The following SPATA6 variants were observed in gnomAD, a reference collection of about 807,000 sequenced individuals.
SPATA6 encodes the protein spermatogenesis associated 6.
In SPATA6, 56 loss-of-function variants were observed where a neutral mutation model predicts 65.3. The observed-to-expected ratio is 0.86, with a 90% CI of 0.69 to 1.07. The LOEUF is 1.07. SPATA6 is among the 50% of genes least tolerant of loss of function. The pLI, the probability that SPATA6 is intolerant of heterozygous loss-of-function variation, is 0.00. For missense variants in SPATA6, 590 were observed against 594.8 expected (o/e 0.99, Z 0.08); for synonymous variants, 199 against 213.2 (o/e 0.93, Z 0.58).
At chr1:48,288,226 T>C in the SPATA6 span, among the ~76,000 whole-genome samples, 1 of 152,224 alleles carries the variant, frequency 6.6e-6, no homozygotes, top group Non-Finnish European at 1.5e-5. Context: ...GACTTCCATA[T>C]CTATGTTAAT....
At chr1:48,334,017 C>T (rs1645990404) in intron 11 of SPATA6, among the ~76,000 whole-genome samples, 1 of 152,096 alleles carries the variant, frequency 6.6e-6, no homozygotes, top group African/African-American at 2.4e-5. Flanking sequence ...TGCACACAGA[C>T]TAGAAAATCT....
intron 11 of SPATA6, among the ~76,000 whole-genome samples, chr1:48,324,426 T>C (rs1215233446): frequency 6.6e-6 from 1 of 152,122 alleles, no homozygotes; most frequent in Non-Finnish European, 1.5e-5. Flanking sequence ...CTGATGAACA[T>C]TGATATAAAA....
chr1:48,452,873 C>T (rs1656699696), intron 2 of SPATA6, 121 bp downstream of exon 2: 2 of 1,215,138 alleles, frequency 1.6e-6, no homozygotes, highest in South Asian at 1.9e-5. Flanking sequence ...TACAAATGTC[C>T]TTTTGAATTA....
intron 12 of SPATA6, among the ~76,000 whole-genome samples, chr1:48,301,038 C>A (rs1471292132): frequency 6.6e-6 from 1 of 151,862 alleles, no homozygotes; most frequent in Non-Finnish European, 1.5e-5. Context: ...GAAGTCCTAG[C>A]CAGAGCAATT....
the SPATA6 span, among the ~76,000 whole-genome samples, chr1:48,277,084 CTTCT>C: frequency 1.4e-5 from 2 of 146,132 alleles, no homozygotes; most frequent in Admixed American, 1.4e-4. Flanking sequence ...TAGCAATGGC[CTTCT>C]TTGTTTTTTG....
chr1:48,327,713 A>G (rs1465832691), intron 11 of SPATA6, among the ~76,000 whole-genome samples: 2 of 152,190 alleles, frequency 1.3e-5, no homozygotes, highest in East Asian at 1.9e-4. Context: ...CTAACTCAGA[A>G]ACATAAAATC....
At chr1:48,359,511 T>C (rs148543444) in intron 10 of SPATA6, 75 bp downstream of exon 10, 1 of 1,462,816 alleles carries the variant, frequency 6.8e-7, no homozygotes, top group African/African-American at 1.4e-5. Context: ...TCATTTCACA[T>C]GCATAATTGC....
chr1:48,447,336 T>C (rs1656151744), intron 3 of SPATA6, among the ~76,000 whole-genome samples: 1 of 152,030 alleles, frequency 6.6e-6, no homozygotes, highest in Non-Finnish European at 1.5e-5. Context: ...CTGGGCAACA[T>C]TGTGAAACCC....
At chr1:48,387,268 G>A (rs934900770) in intron 8 of SPATA6, among the ~76,000 whole-genome samples, 4 of 152,164 alleles carry the variant, frequency 2.6e-5, no homozygotes, top group African/African-American at 9.7e-5. Flanking sequence ...GGGAATTCAA[G>A]ATGAGATTTG....
chr1:48,458,029 A>C (rs1392980297), intron 1 of SPATA6, among the ~76,000 whole-genome samples: 2 of 151,638 alleles, frequency 1.3e-5, no homozygotes, highest in Admixed American at 1.3e-4. Context: ...TGTAATAGTG[A>C]AAATAAGTTA....
At chr1:48,415,892 T>C (rs1652731314) in intron 3 of SPATA6, among the ~76,000 whole-genome samples, 1 of 152,128 alleles carries the variant, frequency 6.6e-6, no homozygotes, top group Non-Finnish European at 1.5e-5. Flanking sequence ...TTCAAACTTC[T>C]GAAAATCAAA....
intron 11 of SPATA6, chr1:48,325,538 C>T (rs1012227056): frequency 7.6e-6 from 9 of 1,187,264 alleles, no homozygotes; most frequent in Non-Finnish European, 1.1e-5. Context: ...GGGAGTTCTT[C>T]CTCTTCCTCT....
chr1:48,309,714 G>A (rs1223073797), intron 11 of SPATA6, among the ~76,000 whole-genome samples: 1 of 152,056 alleles, frequency 6.6e-6, no homozygotes, highest in Non-Finnish European at 1.5e-5. Context: ...CTAGTTATTA[G>A]CATAGTGATT....
chr1:48,311,561 C>CA (rs2148667260), intron 11 of SPATA6, among the ~76,000 whole-genome samples: 1 of 152,006 alleles, frequency 6.6e-6, no homozygotes, highest in East Asian at 1.9e-4. Flanking sequence ...AATTAGTAAT[C>CA]AAAAAAACTT....
At chr1:48,279,118 G>A in the SPATA6 span, among the ~76,000 whole-genome samples, 1 of 152,116 alleles carries the variant, frequency 6.6e-6, no homozygotes, top group Non-Finnish European at 1.5e-5. Flanking sequence ...ATCCTTTACA[G>A]ACAAGCAAAT....
At chr1:48,466,571 A>G (rs1001923123) in intron 1 of SPATA6, among the ~76,000 whole-genome samples, 2 of 152,092 alleles carry the variant, frequency 1.3e-5, no homozygotes, top group African/African-American at 4.8e-5. Flanking sequence ...TACATGCAAC[A>G]TTATATTTCT....
chr1:48,285,648 T>C, the SPATA6 span, among the ~76,000 whole-genome samples: 1 of 152,100 alleles, frequency 6.6e-6, no homozygotes, highest in African/African-American at 2.4e-5. Context: ...AAATGCACCG[T>C]TCCTCATGGC....
chr1:48,272,259 T>C, the SPATA6 span, among the ~76,000 whole-genome samples: 2 of 152,180 alleles, frequency 1.3e-5, no homozygotes, highest in African/African-American at 4.8e-5. Context: ...TTATTAACTA[T>C]CATCACCATG....
intron 5 of SPATA6, among the ~76,000 whole-genome samples, chr1:48,408,486 TA>T (rs1305793198): frequency 9.9e-5 from 15 of 152,244 alleles, no homozygotes; most frequent in Non-Finnish European, 1.8e-4. Flanking sequence ...ATTTTACAAT[TA>T]ATCTATCTAA....
Sources: gnomAD v4.1 joint callset for allele counts (sites outside exome capture counted in the v4.1 genomes callset) on GRCh38, gnomAD v4.1.1 for gene constraint, MANE v1.5 for transcripts, NCBI Gene and HGNC (gene_info 2026-07-23, HGNC 2026-07-21) for gene names.